Variants in PIEZO2 observed in about 807,000 individuals in gnomAD.
The protein encoded by PIEZO2 is piezo-type mechanosensitive ion channel component 2.
Under a neutral mutation model 337.3 loss-of-function variants are expected in PIEZO2, and 172 were observed. The ratio of observed to expected loss-of-function variants is 0.51; its 90% CI spans 0.45 to 0.58. The LOEUF (loss-of-function observed/expected upper bound fraction) is 0.58, where lower values mean the gene tolerates loss of function less well. Among genes scored for constraint, PIEZO2 ranks in the 20% least tolerant of loss-of-function variants. The pLI is 0.00. For synonymous variants in PIEZO2, 1,251 were observed against 1,228.5 expected (o/e 1.02, Z -0.38); for missense variants, 3,028 against 3,391.3 (o/e 0.89, Z 2.66).
At position 11,064,861 on chromosome 18, in the gene PIEZO2, G is replaced by A. The variant is rs137859639; in HGVS notation, c.160+1266C>T. Among the ~76,000 whole-genome samples, 19 of 152,302 alleles carry A rather than the reference G, an allele frequency of 1.2e-4. 1 individual carries two copies. In the Middle Eastern group the frequency reaches 0.01, roughly 82 times the overall value. The stretch of plus-strand genomic sequence containing the variant: ...TTCTTTGGAAAAGGAGCTCCACACC[G>A]TAGAATAGTAGTTGCCTGTATGCTA... On this transcript the variant is annotated intron_variant, in intron 2 of 55. Coordinates refer to ENST00000674853, the MANE Select transcript of PIEZO2 (RefSeq NM_001378183.1).
At chr18:11,051,403 T>C (rs2037532421) in intron 2 of PIEZO2, among the ~76,000 whole-genome samples, 1 of 144,138 alleles carries the variant, frequency 6.9e-6, no homozygotes, top group African/African-American at 2.5e-5. Context: ...AACATAAACA[T>C]TTCATATACG....
At chr18:10,944,470 TTATA>T (rs1286175881) in intron 3 of PIEZO2, among the ~76,000 whole-genome samples, 1 of 143,086 alleles carries the variant, frequency 7.0e-6, no homozygotes, top group Non-Finnish European at 1.5e-5. Flanking sequence ...CAGTGACAGA[TTATA>T]TATATCTTAG....
chr18:11,129,173 A>G lies in PIEZO2; in HGVS notation c.64+19352T>C, dbSNP rs1358628123. Among the ~76,000 whole-genome samples, 2 of 152,202 alleles carry G rather than the reference A, an allele frequency of 1.3e-5. No individual in the cohort carries two copies. Among genetic ancestry groups the G allele is most frequent in the African/African-American group, 4.8e-5 (2 of 41,454 alleles). ...CTACGCATCCCAGCTGAGAGGGTCC[A>G]GAAGATATACCCTTGACCAATGCCT... On this transcript the variant is annotated intron_variant, in intron 1 of 55. Coordinates refer to ENST00000674853, the MANE Select transcript of PIEZO2 (RefSeq NM_001378183.1). The surrounding 1 kb of genome is among the most constrained non-coding windows in gnomAD (Gnocchi z 4.6).
At chr18:10,955,301 C>T (rs264181) in intron 3 of PIEZO2, among the ~76,000 whole-genome samples, 2 of 151,890 alleles carry the variant, frequency 1.3e-5, no homozygotes, top group Admixed American at 1.3e-4. Flanking sequence ...GGTAGGAAAA[C>T]GAAAACAGAA....
intron 28 of PIEZO2, 53 bp downstream of exon 28, chr18:10,752,583 T>C: frequency 4.0e-6 from 6 of 1,512,404 alleles, no homozygotes; most frequent in Non-Finnish European, 5.3e-6. Context: ...CTGAGTGGAC[T>C]GTTTACTCTT....
chr18:10,963,831 C>A (rs569665724), intron 3 of PIEZO2, among the ~76,000 whole-genome samples: 1 of 152,144 alleles, frequency 6.6e-6, no homozygotes, highest in Non-Finnish European at 1.5e-5. Flanking sequence ...CCTCCAAGAC[C>A]TGTATTTTCC....
intron 7 of PIEZO2, among the ~76,000 whole-genome samples, chr18:10,810,852 C>G (rs1485315171): frequency 6.6e-6 from 1 of 152,120 alleles, no homozygotes; most frequent in Non-Finnish European, 1.5e-5. Context: ...ATAACACCAG[C>G]CCCCAACTCC....
Position 11,022,935 on chromosome 18 carries a change from G to A in PIEZO2, c.160+43192C>T, listed in dbSNP as rs189409048. Among the ~76,000 whole-genome samples, 7 of 152,162 alleles carry A rather than the reference G, an allele frequency of 4.6e-5. No homozygotes were observed. The East Asian group carries it at 1.4e-3, about 30-fold the overall frequency. Reference sequence around the variant, plus strand: ...TTCCTTCTGGTGGGTTCGTGGTCTCGCTGGCTCAGGAGTGAAGCTGCGCAC... The same window carrying A: ...TTCCTTCTGGTGGGTTCGTGGTCTCACTGGCTCAGGAGTGAAGCTGCGCAC... On this transcript the variant is annotated intron_variant, in intron 2 of 55. Transcript: ENST00000674853.
chr18:11,041,851 T>C (rs1276262720), intron 2 of PIEZO2, among the ~76,000 whole-genome samples: 1 of 152,222 alleles, frequency 6.6e-6, no homozygotes, highest in East Asian at 1.9e-4. Flanking sequence ...AGTATCTATA[T>C]TACCACTTAG....
In PIEZO2 at chr18:11,147,982, ATAAG is replaced by A. The variant is rs1475583289; in HGVS notation, c.64+539_64+542del. Among the ~76,000 whole-genome samples, 4 of 152,354 alleles carry A rather than the reference ATAAG, an allele frequency of 2.6e-5. No individual in the cohort carries two copies. The East Asian group carries it at 5.8e-4, about 22-fold the overall frequency. The stretch of plus-strand genomic sequence containing the variant: ...GGGGCTTTTGTGGAGGTTTTAAAAA[ATAAG>A]TAAGAAACGTCAAGGCACTGTCTCC... On this transcript the variant is annotated intron_variant, in intron 1 of 55. Transcript: ENST00000674853.
intron 4 of PIEZO2, 23 bp from the exon 5 acceptor site, chr18:10,871,438 G>A (rs2042137940): frequency 6.6e-7 from 1 of 1,516,854 alleles, no homozygotes. Flanking sequence ...AACAAGGGGA[G>A]GGGAAAAAAA....
intron 41 of PIEZO2, among the ~76,000 whole-genome samples, chr18:10,704,992 T>A (rs1436945527): frequency 6.6e-6 from 1 of 152,178 alleles, no homozygotes; most frequent in Non-Finnish European, 1.5e-5. Context: ...CGCCCGGCCA[T>A]GCCTTTCTTT....
intron 12 of PIEZO2, among the ~76,000 whole-genome samples, chr18:10,796,699 G>C (rs1380113374): frequency 6.6e-6 from 1 of 152,190 alleles, no homozygotes; most frequent in Non-Finnish European, 1.5e-5. Context: ...AGGCATTAGG[G>C]GGATCCCTAT....
chr18:10,787,320 G>T, intron 15 of PIEZO2, 136 bp from the exon 16 acceptor site: 1 of 949,896 alleles, frequency 1.1e-6, no homozygotes, highest in Non-Finnish European at 1.5e-6. Flanking sequence ...TTCATTTCTA[G>T]TTTTTAATGT....
chr18:10,938,256 A>G (rs2032515511), intron 3 of PIEZO2, among the ~76,000 whole-genome samples: 1 of 152,212 alleles, frequency 6.6e-6, no homozygotes, highest in South Asian at 2.1e-4. Context: ...ACTAAGACTG[A>G]TTTCCTATGT....
intron 2 of PIEZO2, among the ~76,000 whole-genome samples, chr18:11,064,101 AC>A (rs1294723227): frequency 6.6e-6 from 1 of 152,164 alleles, no homozygotes; most frequent in African/African-American, 2.4e-5. Context: ...GTGTTGGGCC[AC>A]ACTCAAAACT....
intron 45 of PIEZO2, 109 bp from the exon 46 acceptor site, chr18:10,696,648 T>C: frequency 7.8e-7 from 1 of 1,289,502 alleles, no homozygotes; most frequent in Non-Finnish European, 1.1e-6. Flanking sequence ...CTCTTTCCAG[T>C]CAGGTCCCAC....
chr18:11,056,204 T>G (rs558379791), intron 2 of PIEZO2, among the ~76,000 whole-genome samples: 1 of 152,278 alleles, frequency 6.6e-6, no homozygotes, highest in East Asian at 1.9e-4. Flanking sequence ...GAGTGGTCAT[T>G]GGGTCCAGGC....
At chr18:10,933,229 G>GT (rs1695488663) in intron 3 of PIEZO2, among the ~76,000 whole-genome samples, 1 of 151,886 alleles carries the variant, frequency 6.6e-6, no homozygotes, top group Non-Finnish European at 1.5e-5. Context: ...AAGATACCTA[G>GT]CTTTTTCCTT....
Sources: allele counts gnomAD v4.1 joint callset (sites outside exome capture counted in the v4.1 genomes callset), GRCh38; gene constraint gnomAD v4.1.1; non-coding constraint Gnocchi (gnomAD v3.1); transcripts MANE v1.5; gene names NCBI Gene and HGNC (gene_info 2026-07-23, HGNC 2026-07-21).